The following SHANK2 variants were observed in gnomAD, a reference collection of about 807,000 sequenced individuals.
SHANK2 encodes SH3 and multiple ankyrin repeat domains protein 2.
A neutral mutation model predicts 133.7 loss-of-function variants in SHANK2; 43 were observed. The observed-to-expected ratio is 0.32, with a 90% confidence interval of 0.25 to 0.41. The LOEUF (loss-of-function observed/expected upper bound fraction) is 0.41. Ranked by LOEUF, SHANK2 falls within the 10% of genes least tolerant of loss-of-function variation. SHANK2 has a pLI of 1.00. For synonymous variants in SHANK2, 1,017 were observed against 952.8 expected, an observed-to-expected ratio of 1.07 and a Z score of -1.24; for missense variants, 1,994 against 2,235.8, an observed-to-expected ratio of 0.89 and a Z score of 2.18.
chr11:71,080,027 G>T (rs1419304387), intron 8 of SHANK2, among the ~76,000 whole-genome samples: 1 of 151,952 alleles, frequency 6.6e-6, no homozygotes. Context: ...TTAAAAGAAG[G>T]AATTCATCCT....
At chr11:70,911,504 T>A (rs949096658) in intron 10 of SHANK2, among the ~76,000 whole-genome samples, 1 of 152,234 alleles carries the variant, frequency 6.6e-6, no homozygotes, top group Non-Finnish European at 1.5e-5. Flanking sequence ...GCTATTTGTG[T>A]GTGTGTGAAG....
intron 17 of SHANK2, among the ~76,000 whole-genome samples, chr11:70,599,989 T>C (rs2060470673): frequency 6.6e-6 from 1 of 151,142 alleles, no homozygotes; most frequent in Non-Finnish European, 1.5e-5. Flanking sequence ...ATCATGTTCT[T>C]GAACAGGAAG....
At chr11:70,700,083 C>A (rs1167358638) in intron 14 of SHANK2, among the ~76,000 whole-genome samples, 1 of 152,188 alleles carries the variant, frequency 6.6e-6, no homozygotes, top group East Asian at 1.9e-4. Flanking sequence ...CCACATTAGG[C>A]TGCAGCCTCG....
At chr11:71,193,125 G>C (rs1408781776) in intron 2 of SHANK2, among the ~76,000 whole-genome samples, 7 of 152,156 alleles carry the variant, frequency 4.6e-5, no homozygotes, top group African/African-American at 1.7e-4. Flanking sequence ...GCAATGCAGA[G>C]ACATAACTCT....
chr11:71,143,906 A>G (rs1555106233), intron 3 of SHANK2, among the ~76,000 whole-genome samples: 1 of 152,100 alleles, frequency 6.6e-6, no homozygotes, highest in African/African-American at 2.4e-5. Flanking sequence ...TTTTTAGAAC[A>G]CAAGTACCAC....
At chr11:70,780,869 C>T (rs1379464219) in intron 14 of SHANK2, among the ~76,000 whole-genome samples, 1 of 152,134 alleles carries the variant, frequency 6.6e-6, no homozygotes, top group Non-Finnish European at 1.5e-5. Flanking sequence ...CTGTAATTCA[C>T]ATTTTCAAAG....
intron 2 of SHANK2, among the ~76,000 whole-genome samples, chr11:71,223,119 A>G (rs942759338): frequency 1.3e-5 from 2 of 152,186 alleles, no homozygotes. Context: ...GGGGAGGGAG[A>G]GAGTCCGACT....
At chr11:71,139,930 C>G (rs4945100) in intron 3 of SHANK2, among the ~76,000 whole-genome samples, 82,540 of 151,668 alleles carry the variant, frequency 0.54, 22,829 homozygotes, top group African/African-American at 0.66. Context: ...CGGACAGCAG[C>G]GGAGGAGGGG....
At chr11:71,210,241 TATATATATATA>T (rs1954238245) in intron 2 of SHANK2, among the ~76,000 whole-genome samples, 1 of 108,098 alleles carries the variant, frequency 9.3e-6, no homozygotes, top group African/African-American at 4.8e-5. Context: ...TATATATATA[TATATATATATA>T]TTTATTTATT....
chr11:71,239,581 C>T (rs967123352), intron 1 of SHANK2, among the ~76,000 whole-genome samples: 4 of 152,312 alleles, frequency 2.6e-5, no homozygotes, highest in Non-Finnish European at 4.4e-5. Context: ...CCACATCAGC[C>T]TCCCGAGAAG....
At chr11:70,501,875 C>T in intron 20 of SHANK2, 48 bp downstream of exon 20, 1 of 1,552,192 alleles carries the variant, frequency 6.4e-7, no homozygotes, top group Non-Finnish European at 8.7e-7. Flanking sequence ...GTGGGGGTGC[C>T]CTAGACAGCA....
chr11:70,604,733 A>G (rs2060551590), intron 17 of SHANK2: 1 of 152,306 alleles, frequency 6.6e-6, no homozygotes, highest in Admixed American at 6.5e-5. Flanking sequence ...AGTGCTTTTC[A>G]TAAACAAAAC....
chr11:71,203,707 C>T lies in SHANK2; in HGVS notation c.-13+20990G>A, dbSNP rs114007086. ...TAAGAGTGCCTGAGTTCACCTGGGG[C>T]CTTGAGTGACATCAGATGGCCTGTG... On this transcript the variant is annotated intron_variant, in intron 2 of 25. Transcript: ENST00000601538. Among the ~76,000 whole-genome samples, 1,167 of 152,328 alleles carry T rather than the reference C, an allele frequency of 7.7e-3. 16 individuals carry two copies. Among genetic ancestry groups the T allele is most frequent in the African/African-American group, 0.026 (1,075 of 41,570 alleles).
At chr11:70,580,268 G>A (rs1352760322) in intron 17 of SHANK2, among the ~76,000 whole-genome samples, 4 of 148,962 alleles carry the variant, frequency 2.7e-5, no homozygotes, top group Non-Finnish European at 5.9e-5. Context: ...CTGAGGCACA[G>A]CGCAGCCTTA....
At chr11:70,827,560 G>A (rs981160957) in intron 11 of SHANK2, among the ~76,000 whole-genome samples, 2 of 151,846 alleles carry the variant, frequency 1.3e-5, no homozygotes, top group Non-Finnish European at 1.5e-5. Flanking sequence ...CTGAAGCTAC[G>A]TGGAGCATCC....
At chr11:71,201,320 T>C (rs1555117085) in intron 2 of SHANK2, among the ~76,000 whole-genome samples, 1 of 152,198 alleles carries the variant, frequency 6.6e-6, no homozygotes, top group Non-Finnish European at 1.5e-5. Flanking sequence ...ATATATGGGA[T>C]CCGTTGTGAT....
intron 10 of SHANK2, among the ~76,000 whole-genome samples, chr11:70,917,109 G>A (rs797042232): frequency 4.6e-5 from 7 of 152,238 alleles, no homozygotes; most frequent in African/African-American, 1.2e-4. Context: ...TCTTGGCCCC[G>A]ATGTCAGCTG....
At position 71,119,108 on chromosome 11, in the gene SHANK2, G is replaced by A. The variant is rs565782803; in HGVS notation, c.208-76C>T. ...GTCACCCATGTGGGGCGCGTGGTCA[G>A]AGAGGCAAAGCTGCTTCCACCCCTT... On this transcript the variant is annotated intron_variant, in intron 3 of 25. Transcript: ENST00000601538. 3.8e-6 allele frequency: 5 copies of A among 1,314,694 alleles called. No individual in the cohort carries two copies. In the South Asian group the frequency reaches 6.9e-5, roughly 18 times the overall value. The allele number at this position is 1,314,694 out of a possible 1,614,324, so 81.4% of individuals were successfully genotyped here.
intron 5 of SHANK2, among the ~76,000 whole-genome samples, chr11:71,110,456 A>C (rs1186186711): frequency 6.6e-6 from 1 of 151,950 alleles, no homozygotes; most frequent in Non-Finnish European, 1.5e-5. Flanking sequence ...AAACAAACAA[A>C]AAATTAGCTA....
Sources: allele counts gnomAD v4.1 joint callset (sites outside exome capture counted in the v4.1 genomes callset), GRCh38; gene constraint gnomAD v4.1.1; transcripts MANE v1.5; gene names NCBI Gene and HGNC (gene_info 2026-07-23, HGNC 2026-07-21).